The following DMGDH variants were observed in gnomAD, a reference collection of about 807,000 sequenced individuals.
The protein encoded by DMGDH is dimethylglycine dehydrogenase.
A neutral mutation model predicts 95.2 loss-of-function variants in DMGDH; 76 were observed. The observed-to-expected ratio is 0.80, with a 90% CI of 0.66 to 0.97. The LOEUF is 0.97. Among genes scored for constraint, DMGDH ranks in the 50% least tolerant of loss-of-function variants. DMGDH has a pLI of 0.00. For missense variants in DMGDH, 987 were observed against 1,055.0 expected, an observed-to-expected ratio of 0.94 and a Z score of 0.89; for synonymous variants, 345 against 377.6, an observed-to-expected ratio of 0.91 and a Z score of 1.00.
chr5:79,044,364 A>G lies in DMGDH; in HGVS notation c.934T>C (p.Tyr312His). Residue 312 changes from tyrosine (Y) to histidine (H), a missense_variant, in exon 6 of 16, where the codon TAT (tyrosine) becomes CAT (histidine). Transcript: ENST00000255189. ...ACTTTCATTTTCTCTTGACTTTCATATGGACCAAACAAAAGCCCATCCCTT... is the reference window on the plus strand; with the variant it reads ...ACTTTCATTTTCTCTTGACTTTCATGTGGACCAAACAAAAGCCCATCCCTT... ...QERDGLLFGP[Y>H]ESQEKMKVQD... 6.2e-7 allele frequency: 1 copy of G among 1,614,180 alleles called. No individual in the cohort carries two copies. Among genetic ancestry groups the G allele is most frequent in the Non-Finnish European group, 8.5e-7 (1 of 1,180,022 alleles).
intron 1 of DMGDH, among the ~76,000 whole-genome samples, chr5:79,067,338 G>A (rs1370175722): frequency 6.6e-6 from 1 of 152,050 alleles, no homozygotes; most frequent in East Asian, 1.9e-4. Flanking sequence ...AAACAGACTG[G>A]GCATATCTTG....
chr5:79,042,849 C>T (rs1327754324), intron 6 of DMGDH, among the ~76,000 whole-genome samples: 1 of 152,042 alleles, frequency 6.6e-6, no homozygotes, highest in Non-Finnish European at 1.5e-5. Context: ...GTTTCATCCC[C>T]TGAGATGAGG....
intron 14 of DMGDH, among the ~76,000 whole-genome samples, chr5:79,009,521 T>C (rs1299476747): frequency 6.6e-6 from 1 of 151,982 alleles, no homozygotes; most frequent in African/African-American, 2.4e-5. Flanking sequence ...CACCAGGCCT[T>C]GCTAATTTCT....
rs975012602 is a variant in DMGDH at position 79,031,933 on chromosome 5, C to T, written c.1517+754G>A. Reference sequence around the variant, plus strand: ...GCTTATAAAGCCCAAATTCATTCATCAACAACGGGTTCTCTGCTATACTTT... The same window carrying T: ...GCTTATAAAGCCCAAATTCATTCATTAACAACGGGTTCTCTGCTATACTTT... On this transcript the variant is annotated intron_variant, in intron 9 of 15. Coordinates refer to ENST00000255189, the MANE Select transcript of DMGDH (RefSeq NM_013391.3). Among the ~76,000 whole-genome samples the T allele has an allele frequency of 4.7e-4, 72 of 152,296 alleles. 1 individual carries two copies. The highest frequency in any genetic ancestry group is 1.7e-3 in the African/African-American group (72 of 41,570).
intron 14 of DMGDH, among the ~76,000 whole-genome samples, chr5:79,019,986 A>G (rs1753826247): frequency 6.6e-6 from 1 of 152,208 alleles, no homozygotes; most frequent in Non-Finnish European, 1.5e-5. Flanking sequence ...GTACTCAACA[A>G]TTTGAATTTT....
intron 7 of DMGDH, among the ~76,000 whole-genome samples, chr5:79,039,413 T>C (rs962144481): frequency 6.6e-6 from 1 of 151,946 alleles, no homozygotes; most frequent in African/African-American, 2.4e-5. Context: ...TGTAGGGACA[T>C]GGATGAAATT....
chr5:79,006,835 C>T (rs1561206430), intron 14 of DMGDH, among the ~76,000 whole-genome samples: 2 of 136,342 alleles, frequency 1.5e-5, no homozygotes, highest in South Asian at 2.3e-4. Flanking sequence ...CTCACACACC[C>T]TCACCTGAGA....
At chr5:79,063,139 A>C (rs2112676390) in intron 2 of DMGDH, among the ~76,000 whole-genome samples, 1 of 152,220 alleles carries the variant, frequency 6.6e-6, no homozygotes, top group Admixed American at 6.5e-5. Flanking sequence ...TAAGTAAATA[A>C]AAGGACCACC....
In DMGDH at chr5:79,033,332, G is replaced by A. The variant is rs147659320; in HGVS notation, c.1270C>T (p.Leu424=). Residue 424 remains leucine, a synonymous_variant, in exon 8 of 16, where the codon CTG becomes TTG. Transcript: ENST00000255189. ...TAGCGATTAGGATCCAATTCTATCA[G>A]ATCAAAAGGAGGTTCTCCATGCAGG... ...WILHGEPPFD[L]IELDPNRYGK... 103 of 1,614,000 alleles carry A rather than the reference G, an allele frequency of 6.4e-5. No individual in the cohort carries two copies. Among genetic ancestry groups the A allele is most frequent in the Non-Finnish European group, 8.3e-5 (98 of 1,180,030 alleles).
At chr5:79,011,404 A>T (rs1432022136) in intron 14 of DMGDH, among the ~76,000 whole-genome samples, 1 of 152,216 alleles carries the variant, frequency 6.6e-6, no homozygotes, top group Non-Finnish European at 1.5e-5. Flanking sequence ...AGAGCTTCTT[A>T]ACATTCCACA....
At chr5:79,049,196 C>T (rs1021704448) in intron 5 of DMGDH, among the ~76,000 whole-genome samples, 1 of 152,128 alleles carries the variant, frequency 6.6e-6, no homozygotes, top group South Asian at 2.1e-4. Flanking sequence ...ACTAGTGTTA[C>T]GGGTTTAGGT....
chr5:79,018,392 GAATT>G (rs1453803920), intron 14 of DMGDH, among the ~76,000 whole-genome samples: 2 of 151,996 alleles, frequency 1.3e-5, no homozygotes, highest in African/African-American at 4.8e-5. Flanking sequence ...CCGAGGGAAA[GAATT>G]AACACACAAA....
intron 14 of DMGDH, among the ~76,000 whole-genome samples, chr5:79,011,913 C>A (rs916924370): frequency 6.6e-6 from 1 of 152,152 alleles, no homozygotes; most frequent in Admixed American, 6.5e-5. Flanking sequence ...TACAATTCAA[C>A]ATGAGATTTG....
intron 15 of DMGDH, among the ~76,000 whole-genome samples, chr5:78,999,487 C>T (rs192001354): frequency 5.3e-4 from 80 of 152,240 alleles, no homozygotes; most frequent in African/African-American, 1.8e-3. Context: ...CCCACCACCA[C>T]GCCCGGCTAA....
chr5:79,032,902 G>A (rs1432555222), intron 8 of DMGDH, 62 bp from the exon 9 acceptor site: 18 of 1,590,564 alleles, frequency 1.1e-5, no homozygotes, highest in East Asian at 2.2e-5. Flanking sequence ...TACTTACATG[G>A]GATTCCAAAT....
chr5:79,010,996 G>C (rs1005443727), intron 14 of DMGDH, among the ~76,000 whole-genome samples: 2 of 152,102 alleles, frequency 1.3e-5, no homozygotes, highest in Admixed American at 1.3e-4. Context: ...ATCTGGGTGG[G>C]AATCCCGTTG....
chr5:79,063,852 G>A (rs1580234590), intron 1 of DMGDH, 65 bp from the exon 2 acceptor site: 1 of 1,523,722 alleles, frequency 6.6e-7, no homozygotes. Context: ...CTGGCCTAAA[G>A]CACTTCCCCT....
At chr5:79,028,362 T>C (rs112608437) in intron 12 of DMGDH, 71 bp downstream of exon 12, 1 of 1,323,186 alleles carries the variant, frequency 7.6e-7, no homozygotes, top group Non-Finnish European at 1.1e-6. Context: ...GACCTTTTAA[T>C]TTTAAATTTT....
chr5:79,032,726 G>C lies in DMGDH; in HGVS notation c.1478C>G (p.Pro493Arg). 1 of 1,614,148 alleles carries C rather than the reference G, an allele frequency of 6.2e-7. No homozygotes were observed. The highest frequency in any genetic ancestry group is 8.5e-7 in the Non-Finnish European group (1 of 1,180,042). ...SMGFHAGWEQ[P>R]HWFYKPGQDT... ...CTGGCCTGGTTTGTAGAACCAGTGC[G>C]GCTGCTCCCAGCCAGCATGGAACCC... The change falls in exon 9 of 16, where the codon CCG becomes CGG. Residue 493 changes from proline (P) to arginine (R), a missense_variant. Transcript: ENST00000255189.
Sources: allele counts gnomAD v4.1 joint callset (sites outside exome capture counted in the v4.1 genomes callset), GRCh38; gene constraint gnomAD v4.1.1; transcripts MANE v1.5; gene names NCBI Gene and HGNC (gene_info 2026-07-23, HGNC 2026-07-21).